The following GRIK1 variants were observed in gnomAD, a reference collection of about 807,000 sequenced individuals.
The protein encoded by GRIK1 is glutamate receptor ionotropic, kainate 1.
GRIK1 carries 69 observed loss-of-function variants against 105.7 expected under a neutral mutation model. The ratio of observed to expected loss-of-function variants is 0.65; its 90% CI spans 0.54 to 0.80. The LOEUF (loss-of-function observed/expected upper bound fraction) is 0.80, where lower values mean the gene tolerates loss of function less well. Ranked by LOEUF, GRIK1 falls within the 30% of genes least tolerant of loss-of-function variation. GRIK1 has a pLI of 0.00. For missense variants in GRIK1, 1,109 were observed against 1,167.3 expected (o/e 0.95, Z 0.73); for synonymous variants, 438 against 431.3 (o/e 1.02, Z -0.19).
intron 7 of GRIK1, among the ~76,000 whole-genome samples, chr21:29,601,717 A>G (rs1365871972): frequency 6.6e-6 from 1 of 152,166 alleles, no homozygotes; most frequent in Admixed American, 6.5e-5. Context: ...CCCTCTGACC[A>G]GTATTGCTTG....
intron 1 of GRIK1, among the ~76,000 whole-genome samples, chr21:29,762,415 C>G (rs183984499): frequency 1.6e-4 from 24 of 152,316 alleles, no homozygotes; most frequent in Admixed American, 1.3e-3. Context: ...TTCACTGTCT[C>G]ATTCTGCAAA....
At position 29,848,781 on chromosome 21, in the gene GRIK1, T is replaced by A. The variant is rs375625877; in HGVS notation, c.118+90602A>T. Among the ~76,000 whole-genome samples the A allele has an allele frequency of 2.5e-3, 200 of 81,060 alleles. 1 individual carries two copies. Among genetic ancestry groups the A allele is most frequent in the East Asian group, 5.8e-3 (16 of 2,752 alleles). 53.2% of individuals were successfully genotyped at this position (81,060 alleles called of 152,430 possible). ...TATATATATATATATATATATATAT[T>A]TTTTTTTTTTTCCACGATCTTCACC... On this transcript the variant is annotated intron_variant, in intron 1 of 17. Coordinates refer to ENST00000327783, the MANE Select transcript of GRIK1 (RefSeq NM_001330994.2).
intron 16 of GRIK1, among the ~76,000 whole-genome samples, chr21:29,551,417 A>G (rs1386732730): frequency 1.3e-5 from 2 of 152,212 alleles, no homozygotes; most frequent in Non-Finnish European, 2.9e-5. Flanking sequence ...TGGCTCTGCT[A>G]GAACCTGAAT....
At chr21:29,618,367 T>C (rs551508545) in intron 7 of GRIK1, among the ~76,000 whole-genome samples, 4 of 152,106 alleles carry the variant, frequency 2.6e-5, no homozygotes, top group Middle Eastern at 6.8e-3. Context: ...AAGTAGATGG[T>C]GGTGTGGATG....
chr21:29,933,687 A>G (rs990951238), intron 1 of GRIK1, among the ~76,000 whole-genome samples: 5 of 152,240 alleles, frequency 3.3e-5, no homozygotes, highest in African/African-American at 1.2e-4. Flanking sequence ...TACATGTGAT[A>G]TATTTCATCC....
intron 1 of GRIK1, among the ~76,000 whole-genome samples, chr21:29,699,056 A>C (rs1254143746): frequency 6.6e-6 from 1 of 152,168 alleles, no homozygotes; most frequent in African/African-American, 2.4e-5. Context: ...CTGATGCTAA[A>C]CTGGTCTGTC....
chr21:29,735,927 A>C (rs1307612798), intron 1 of GRIK1, among the ~76,000 whole-genome samples: 2 of 152,194 alleles, frequency 1.3e-5, no homozygotes, highest in Non-Finnish European at 2.9e-5. Flanking sequence ...GAATAAGTGA[A>C]AGAAGTTAAG....
At chr21:29,555,026 A>C (rs1316027698) in intron 16 of GRIK1, 26 bp downstream of exon 16, 2 of 1,580,442 alleles carry the variant, frequency 1.3e-6, no homozygotes, top group East Asian at 2.2e-5. Context: ...CTATAAACTA[A>C]CCAGTCCTAG....
In GRIK1 at chr21:29,939,619, G is replaced by T; in HGVS notation, c.-119C>A. 1 of 624,088 alleles carries T rather than the reference G, an allele frequency of 1.6e-6. No homozygotes were observed. The highest frequency in any genetic ancestry group is 2.7e-6 in the Non-Finnish European group (1 of 373,240). The allele number at this position is 624,088 out of a possible 1,614,324, so 38.7% of individuals were successfully genotyped here. A position where few individuals can be genotyped will look rare whatever the true frequency, so the allele number is the denominator to read the frequency against. ...TGGATGCTCCGGTTCCAAGCACGCT[G>T]CGCGCTCCCCACGGAGCGAGCTCGA... is the stretch of plus-strand genomic sequence containing the variant. On this transcript the variant is annotated 5_prime_UTR_variant, in exon 1 of 18. Transcript: ENST00000327783.
At chr21:29,848,364 C>G (rs1361600374) in intron 1 of GRIK1, among the ~76,000 whole-genome samples, 1 of 152,080 alleles carries the variant, frequency 6.6e-6, no homozygotes, top group Non-Finnish European at 1.5e-5. Context: ...GTAATTTGTC[C>G]AAGTTCTCCA....
At chr21:29,904,857 G>T (rs1368265970) in intron 1 of GRIK1, among the ~76,000 whole-genome samples, 1 of 152,082 alleles carries the variant, frequency 6.6e-6, no homozygotes, top group African/African-American at 2.4e-5. Flanking sequence ...GCTACCCAAG[G>T]CCCTTCTCTG....
chr21:29,848,779 A>ATATATATATATTTTTTTT, intron 1 of GRIK1, among the ~76,000 whole-genome samples: 59 of 77,850 alleles, frequency 7.6e-4, no homozygotes, highest in African/African-American at 3.3e-3. Flanking sequence ...ATATATATAT[A>ATATATATATATTTTTTTT]TTTTTTTTTT....
At chr21:29,875,158 A>G (rs1353105398) in intron 1 of GRIK1, among the ~76,000 whole-genome samples, 1 of 152,100 alleles carries the variant, frequency 6.6e-6, no homozygotes, top group Non-Finnish European at 1.5e-5. Flanking sequence ...CTTTCTAATT[A>G]TAGCCTGTCT....
chr21:29,862,657 G>A (rs1411402183), intron 1 of GRIK1, among the ~76,000 whole-genome samples: 1 of 152,124 alleles, frequency 6.6e-6, no homozygotes, highest in Non-Finnish European at 1.5e-5. Context: ...CTTTGTGCAG[G>A]TGTAACTTAT....
intron 6 of GRIK1, among the ~76,000 whole-genome samples, chr21:29,644,481 G>A (rs1053711216): frequency 1.3e-5 from 2 of 152,112 alleles, no homozygotes; most frequent in Non-Finnish European, 2.9e-5. Context: ...GAATTGCAAG[G>A]TTTTAAGATA....
chr21:29,842,275 G>C (rs572620758), intron 1 of GRIK1, among the ~76,000 whole-genome samples: 1 of 151,876 alleles, frequency 6.6e-6, no homozygotes, highest in African/African-American at 2.4e-5. Context: ...TCATCTCCCC[G>C]TTTCTGTTTA....
At chr21:29,576,745 T>C (rs758758014) in intron 14 of GRIK1, among the ~76,000 whole-genome samples, 6 of 151,940 alleles carry the variant, frequency 3.9e-5, no homozygotes, top group Non-Finnish European at 8.8e-5. Flanking sequence ...TGGGGTGGAG[T>C]AAATGACACC....
intron 1 of GRIK1, among the ~76,000 whole-genome samples, chr21:29,784,342 G>C (rs2066203080): frequency 1.3e-5 from 2 of 152,198 alleles, no homozygotes; most frequent in Admixed American, 1.3e-4. Context: ...TGGGTCAAAG[G>C]GTAAATGCGT....
intron 1 of GRIK1, among the ~76,000 whole-genome samples, chr21:29,873,424 G>C (rs1195156246): frequency 1.3e-5 from 2 of 152,278 alleles, no homozygotes; most frequent in South Asian, 4.1e-4. Flanking sequence ...CTTAACAGGG[G>C]TGTAAACTTG....
Sources: gnomAD v4.1 joint callset for allele counts (sites outside exome capture counted in the v4.1 genomes callset) on GRCh38, gnomAD v4.1.1 for gene constraint, MANE v1.5 for transcripts, NCBI Gene and HGNC (gene_info 2026-07-23, HGNC 2026-07-21) for gene names.